The following OGFR variants were observed in gnomAD, a reference collection of about 807,000 sequenced individuals.
The protein encoded by OGFR is opioid growth factor receptor.
A neutral mutation model predicts 33.6 loss-of-function variants in OGFR; 18 were observed. That is an observed-to-expected ratio of 0.54 (90% CI 0.37 to 0.80). The LOEUF (loss-of-function observed/expected upper bound fraction) is 0.80, where lower values mean the gene tolerates loss of function less well. Among genes scored for constraint, OGFR ranks in the 30% least tolerant of loss-of-function variants. The pLI, the probability that OGFR is intolerant of heterozygous loss-of-function variation, is 0.00. For missense variants in OGFR, 877 were observed against 955.8 expected (o/e 0.92, Z 1.09); for synonymous variants, 370 against 400.7 (o/e 0.92, Z 0.91).
At position 62,813,339 on chromosome 20, in the gene OGFR, C is replaced by T. The variant is rs1990789696; in HGVS notation, c.1724C>T (p.Ala575Val). 2 of 1,498,062 alleles carry T rather than the reference C, an allele frequency of 1.3e-6. No individual in the cohort carries two copies. The highest frequency in any genetic ancestry group is 8.9e-7 in the Non-Finnish European group (1 of 1,125,684). 92.8% of individuals were successfully genotyped at this position (1,498,062 alleles called of 1,614,324 possible). The change falls in exon 7 of 7, where the codon GCC becomes GTC. Residue 575 changes from alanine (A) to valine (V), a missense_variant. Ala to Val is a moderately conservative substitution (Grantham distance 64, BLOSUM62 0). This residue lies in a region of OGFR where 72 missense variants were observed against 181.8 expected (regional missense o/e 0.40). Coordinates refer to ENST00000290291, the MANE Select transcript of OGFR (RefSeq NM_007346.4). ...GCAGGACCTGCAGGGGACGAGCCAGCCGAGAGCCCATCGGAGACCCCAGGC... is the reference window on the plus strand; with the variant it reads ...GCAGGACCTGCAGGGGACGAGCCAGTCGAGAGCCCATCGGAGACCCCAGGC... ...RPAGPAGDEP[A>V]ESPSETPGPS...
intron 2 of OGFR, chr20:62,807,830 A>G (rs1990631745): frequency 1.7e-6 from 1 of 605,822 alleles, no homozygotes; most frequent in East Asian, 2.7e-5. Flanking sequence ...GCTTCAGCAC[A>G]CCGTCGCCTT....
In OGFR at chr20:62,813,412, G is replaced by A. The variant is rs375765704; in HGVS notation, c.1797G>A (p.Ser599=). The change falls in exon 7 of 7, where the codon TCG becomes TCA. Residue 599 remains serine (S), a synonymous_variant. Transcript: ENST00000290291. ...PTRDEPAESP[S]ETPGPRPAGP... ...GGGATGAGCCAGCCGAGAGCCCATC[G>A]GAGACCCCAGGCCCCCGCCCGGCAG... The A allele has an allele frequency of 2.6e-6, 4 of 1,541,450 alleles. No homozygotes were observed. The highest frequency in any genetic ancestry group is 1.8e-5 in the Admixed American group (1 of 55,132).
At chr20:62,805,217 C>T (rs2147180524) in intron 1 of OGFR, among the ~76,000 whole-genome samples, 187 bp downstream of exon 1, 1 of 151,956 alleles carries the variant, frequency 6.6e-6, no homozygotes, top group Middle Eastern at 3.4e-3. Flanking sequence ...GCGGGGGCCG[C>T]GCGTGGGTGA....
intron 4 of OGFR, 68 bp from the exon 5 acceptor site, chr20:62,810,431 G>A: frequency 6.6e-7 from 1 of 1,510,558 alleles, no homozygotes; most frequent in South Asian, 1.1e-5. Flanking sequence ...GGGCTACACA[G>A]CGAGCACCTG....
At chr20:62,809,055 A>G (rs1194603870) in intron 3 of OGFR, among the ~76,000 whole-genome samples, 2 of 151,922 alleles carry the variant, frequency 1.3e-5, no homozygotes, top group Non-Finnish European at 2.9e-5. Flanking sequence ...TTCAGTGTCA[A>G]TAAAGCTTCA....
intron 2 of OGFR, 39 bp downstream of exon 2, chr20:62,807,644 C>T (rs531087727): frequency 1.6e-5 from 25 of 1,587,190 alleles, no homozygotes; most frequent in African/African-American, 5.4e-5. Context: ...AGAACCCTCC[C>T]GCCAGCTGCT....
At chr20:62,811,346 T>C in intron 5 of OGFR, 116 bp from the exon 6 acceptor site, 3 of 1,111,688 alleles carry the variant, frequency 2.7e-6, no homozygotes, top group South Asian at 2.8e-5. Context: ...TAAATGTCTG[T>C]CTGTCTGTCT....
In OGFR at chr20:62,812,400, G is replaced by A. The variant is rs766987998; in HGVS notation, c.785G>A (p.Arg262His). 14 of 1,582,378 alleles carry A rather than the reference G, an allele frequency of 8.8e-6. No individual in the cohort carries two copies. The highest frequency in any genetic ancestry group is 2.3e-5 in the South Asian group (2 of 87,252). The change falls in exon 7 of 7, where the codon CGC (arginine) becomes CAC (histidine). Residue 262 changes from arginine to histidine, a missense_variant. By Grantham distance (29) the Arg-to-His change is conservative (BLOSUM62 0). Coordinates refer to ENST00000290291, the MANE Select transcript of OGFR (RefSeq NM_007346.4). ...SALDYFMFAVRCRHQRRQLVH... is the reference protein window; with the variant it reads ...SALDYFMFAVHCRHQRRQLVH... ...CTGGACTACTTCATGTTCGCCGTGC[G>A]CTGCCGACACCAGCGCCGCCAGCTG...
intron 1 of OGFR, chr20:62,807,290 A>G: frequency 1.8e-6 from 1 of 554,244 alleles, no homozygotes. Context: ...GCAGCCCCCC[A>G]CCTGGCTACC....
chr20:62,808,520 G>C (rs562050763), intron 3 of OGFR, among the ~76,000 whole-genome samples, 195 bp downstream of exon 3: 149 of 152,306 alleles, frequency 9.8e-4, no homozygotes, highest in African/African-American at 3.4e-3. Context: ...TGTTTGGGTC[G>C]GGGTGGGCTA....
Position 62,809,514 on chromosome 20 carries a change from A to G in OGFR, c.320-71A>G, listed in dbSNP as rs544305683. The G allele has an allele frequency of 1.0e-3, 1,229 of 1,171,450 alleles. 3 individuals carry two copies. Among genetic ancestry groups the G allele is most frequent in the Admixed American group, 1.6e-3 (96 of 59,162 alleles). 72.6% of individuals were successfully genotyped at this position (1,171,450 alleles called of 1,614,324 possible). A position where few individuals can be genotyped will look rare whatever the true frequency, so the allele number is the denominator to read the frequency against. ...GCAGCACTCTCTCCTTATGTCCCCC[A>G]CCCACACCCCGTCCTCCTGAGCACG... is the stretch of plus-strand genomic sequence containing the variant. On this transcript the variant is annotated intron_variant, in intron 3 of 6. Transcript: ENST00000290291.
chr20:62,808,843 C>T (rs1358722802), intron 3 of OGFR, among the ~76,000 whole-genome samples: 4 of 151,734 alleles, frequency 2.6e-5, no homozygotes, highest in Admixed American at 6.6e-5. Flanking sequence ...GGTGTGGTAG[C>T]GTGCGCCTGT....
At chr20:62,805,530 C>CTGTCA (rs1990571311) in intron 1 of OGFR, 1 of 153,030 alleles carries the variant, frequency 6.5e-6, no homozygotes, top group African/African-American at 2.4e-5. Flanking sequence ...CGCCGGGCGC[C>CTGTCA]TGTCATCGCC....
rs1990652371 is a variant in OGFR at position 62,808,688 on chromosome 20, T to TA, written c.319+364dup. On this transcript the variant is annotated intron_variant, in intron 3 of 6. Coordinates refer to ENST00000290291, the MANE Select transcript of OGFR (RefSeq NM_007346.4). ...TTTAAATGGTTGCAAAAAATTAAAGTAGAGGCCGGGCCTGGTGGCTCACGC... is the reference window on the plus strand; with the variant it reads ...TTTAAATGGTTGCAAAAAATTAAAGTAAGAGGCCGGGCCTGGTGGCTCACGC... Among the ~76,000 whole-genome samples, 3 of 152,212 alleles carry TA rather than the reference T, an allele frequency of 2.0e-5. No individual in the cohort carries two copies. The South Asian group carries it at 6.2e-4, about 32-fold the overall frequency.
At chr20:62,807,735 C>T in intron 2 of OGFR, 130 bp downstream of exon 2, 2 of 880,974 alleles carry the variant, frequency 2.3e-6, no homozygotes, top group Non-Finnish European at 1.8e-6. Flanking sequence ...GGGCAGGACC[C>T]TGCCTGGGGC....
intron 1 of OGFR, chr20:62,806,124 C>T: frequency 6.6e-6 from 1 of 152,396 alleles, no homozygotes; most frequent in Non-Finnish European, 1.5e-5. Context: ...GACTGTGTGG[C>T]CACATCCAGT....
At chr20:62,810,968 C>T (rs1990715932) in intron 5 of OGFR, among the ~76,000 whole-genome samples, 1 of 152,280 alleles carries the variant, frequency 6.6e-6, no homozygotes, top group South Asian at 2.1e-4. Flanking sequence ...CAGCGACTTC[C>T]TCTCAGGGGA....
intron 3 of OGFR, among the ~76,000 whole-genome samples, chr20:62,809,020 C>T (rs1990663719): frequency 7.2e-6 from 1 of 139,344 alleles, no homozygotes; most frequent in African/African-American, 2.6e-5. Flanking sequence ...TGTTCTATTA[C>T]TTTGATATTA....
chr20:62,811,032 G>A (rs1175493291), intron 5 of OGFR, among the ~76,000 whole-genome samples: 1 of 152,230 alleles, frequency 6.6e-6, no homozygotes, highest in African/African-American at 2.4e-5. Flanking sequence ...AGGAGAGATG[G>A]AGGCATGAGT....
Sources: allele counts gnomAD v4.1 joint callset (sites outside exome capture counted in the v4.1 genomes callset), GRCh38; gene constraint gnomAD v4.1.1; regional missense constraint gnomAD v4.1.1; transcripts MANE v1.5; gene names NCBI Gene and HGNC (gene_info 2026-07-23, HGNC 2026-07-21).